The following RPTOR variants were observed in gnomAD, a reference collection of about 807,000 sequenced individuals.
RPTOR encodes the protein regulatory associated protein of MTOR complex 1, also known as regulatory-associated protein of mTOR.
In RPTOR, 21 loss-of-function variants were observed where a neutral mutation model predicts 169.9. The ratio of observed to expected loss-of-function variants is 0.12; its 90% CI spans 0.09 to 0.18. The LOEUF is 0.18. Among genes scored for constraint, RPTOR ranks in the 10% least tolerant of loss-of-function variants. The pLI is 1.00. For synonymous variants in RPTOR, 732 were observed against 753.2 expected, an observed-to-expected ratio of 0.97 and a Z score of 0.46; for missense variants, 1,133 against 1,855.9, an observed-to-expected ratio of 0.61 and a Z score of 7.16.
At chr17:80,864,275 ACGGCAGG>A (rs1567955942) in intron 13 of RPTOR, among the ~76,000 whole-genome samples, 93 of 140,030 alleles carry the variant, frequency 6.6e-4, no homozygotes, top group Middle Eastern at 3.7e-3. Flanking sequence ...GGTGAGAATG[ACGGCAGG>A]TTTCTTCTTA....
At chr17:80,722,755 C>CTCT (rs1193263016) in intron 4 of RPTOR, among the ~76,000 whole-genome samples, 1 of 151,376 alleles carries the variant, frequency 6.6e-6, no homozygotes, top group Non-Finnish European at 1.5e-5. Context: ...CAGTGTCAAC[C>CTCT]TCTTACATGA....
intron 1 of RPTOR, among the ~76,000 whole-genome samples, chr17:80,560,871 A>C (rs2084477381): frequency 6.6e-6 from 1 of 151,926 alleles, no homozygotes; most frequent in South Asian, 2.1e-4. Flanking sequence ...ACTGGCGGTC[A>C]ATAGGTGATC....
rs2067405032 is a variant in RPTOR, at chr17:80,823,478, C to T, written c.1136+255C>T. On this transcript the variant is annotated intron_variant, in intron 9 of 33. Transcript: ENST00000306801. This position sits in a 1 kb window ranked among gnomAD's most constrained non-coding sequence, Gnocchi z 4.5. ...GCAGCGGCCGGCTGAAGCCTCACAG[C>T]TCTGCAACTCGGGAGGGTAGCACTT... 1 of 402,630 alleles carries T rather than the reference C, an allele frequency of 2.5e-6. No homozygotes were observed. Among genetic ancestry groups the T allele is most frequent in the Middle Eastern group, 6.5e-4 (1 of 1,550 alleles). The allele number at this position is 402,630 out of a possible 1,614,324, so 24.9% of individuals were successfully genotyped here.
intron 20 of RPTOR, among the ~76,000 whole-genome samples, chr17:80,906,344 C>T (rs771926346): frequency 7.1e-6 from 1 of 140,842 alleles, no homozygotes; most frequent in Non-Finnish European, 1.6e-5. Context: ...TTTACATTTC[C>T]GAGACTTGCT....
intron 3 of RPTOR, among the ~76,000 whole-genome samples, chr17:80,665,502 C>CCTTTCCTTTCCTTTCCTTTT (rs1567846606): frequency 2.6e-4 from 3 of 11,464 alleles, no homozygotes. Flanking sequence ...CCTTTCCTTT[C>CCTTTCCTTTCCTTTCCTTTT]CATGTCCTTT....
chr17:80,858,661 G>T (rs1273911627), intron 13 of RPTOR, among the ~76,000 whole-genome samples: 1 of 152,170 alleles, frequency 6.6e-6, no homozygotes, highest in Admixed American at 6.5e-5. Context: ...AGTCGTGTGG[G>T]CGAGACCCGG....
rs1598236297 is a variant in RPTOR at position 80,700,736 on chromosome 17, G to GTGACGGTGATGGTAGAGATGA, written c.349-7103_349-7102insACGGTGATGGTAGAGATGATG. On this transcript the variant is annotated intron_variant, in intron 3 of 33. Transcript: ENST00000306801. ...GGTGGTGGTGGTGGTGGTGATGATG[G>GTGACGGTGATGGTAGAGATGA]TGGTGGTGGTGGTGGTGATGATGGT... is the stretch of plus-strand genomic sequence containing the variant. Among the ~76,000 whole-genome samples, 98 of 48,044 alleles carry GTGACGGTGATGGTAGAGATGA rather than the reference G, an allele frequency of 2.0e-3. 6 individuals carry two copies. Among genetic ancestry groups the GTGACGGTGATGGTAGAGATGA allele is most frequent in the Non-Finnish European group, 2.7e-3 (61 of 22,794 alleles). 31.5% of individuals were successfully genotyped at this position (48,044 alleles called of 152,430 possible).
chr17:80,899,056 C>T (rs2068443207), intron 20 of RPTOR, among the ~76,000 whole-genome samples: 1 of 152,144 alleles, frequency 6.6e-6, no homozygotes, highest in Non-Finnish European at 1.5e-5. Context: ...GAAAGGTTCA[C>T]TACACAACAA....
chr17:80,678,614 G>C (rs2065876401), intron 3 of RPTOR, among the ~76,000 whole-genome samples: 1 of 152,214 alleles, frequency 6.6e-6, no homozygotes, highest in South Asian at 2.1e-4. Context: ...GGAAAGCAGT[G>C]GTTATGCCTG....
chr17:80,830,161 C>T (rs1598336362), intron 9 of RPTOR, among the ~76,000 whole-genome samples: 2 of 152,328 alleles, frequency 1.3e-5, no homozygotes, highest in South Asian at 2.1e-4. Context: ...TACACAGATT[C>T]TCCCCGCTGG....
chr17:80,934,567 C>A (rs911461227), intron 24 of RPTOR, among the ~76,000 whole-genome samples: 1 of 152,156 alleles, frequency 6.6e-6, no homozygotes, highest in Non-Finnish European at 1.5e-5. Context: ...CTATGTTGCT[C>A]AGACTGGTCT....
chr17:80,568,406 C>T (rs1034785691), intron 1 of RPTOR, among the ~76,000 whole-genome samples: 2 of 152,202 alleles, frequency 1.3e-5, no homozygotes, highest in Non-Finnish European at 2.9e-5. Context: ...TCTGTTGTCT[C>T]AGGCTTGTCT....
Position 80,844,800 on chromosome 17 carries a change from C to A in RPTOR, c.1213-1673C>A, listed in dbSNP as rs921710139. ...TGGCGTTCGCCTGTCCACATGTGTC[C>A]ACATTCACTGGAACCCGGGGCACAG... On this transcript the variant is annotated intron_variant, in intron 10 of 33. Coordinates refer to ENST00000306801, the MANE Select transcript of RPTOR (RefSeq NM_020761.3). This position sits in a 1 kb window ranked among gnomAD's most constrained non-coding sequence, Gnocchi z 4.7. Among the ~76,000 whole-genome samples the A allele has an allele frequency of 3.9e-5, 6 of 152,154 alleles. No homozygotes were observed. Among genetic ancestry groups the A allele is most frequent in the African/African-American group, 1.4e-4 (6 of 41,444 alleles).
intron 1 of RPTOR, among the ~76,000 whole-genome samples, chr17:80,559,586 C>T (rs536320510): frequency 3.5e-4 from 53 of 152,308 alleles, no homozygotes; most frequent in African/African-American, 1.2e-3. Flanking sequence ...CGTTGGTTGG[C>T]CCTCTGAGCA....
rs1030428287 is a variant in RPTOR at position 80,966,167 on chromosome 17, G to T, written c.*1837G>T. 1 of 167,666 alleles carries T rather than the reference G, an allele frequency of 6.0e-6. No homozygotes were observed. Among genetic ancestry groups the T allele is most frequent in the East Asian group, 9.8e-5 (1 of 10,174 alleles). The allele number at this position is 167,666 out of a possible 1,614,324, so 10.4% of individuals were successfully genotyped here. A position where few individuals can be genotyped will look rare whatever the true frequency, so the allele number is the denominator to read the frequency against. On this transcript the variant is annotated 3_prime_UTR_variant, in exon 34 of 34. Transcript: ENST00000306801. ...TGGAGCCCACCCCCATGGGCACCGC[G>T]TGCCGCCTGCACGTGGGCTGTCTTC...
chr17:80,741,290 G>A (rs2066479795), intron 5 of RPTOR, among the ~76,000 whole-genome samples: 1 of 152,172 alleles, frequency 6.6e-6, no homozygotes, highest in Non-Finnish European at 1.5e-5. Flanking sequence ...GGCCTTCCGA[G>A]TGGAGGGTGG....
intron 4 of RPTOR, among the ~76,000 whole-genome samples, chr17:80,711,212 C>A (rs192804866): frequency 6.2e-4 from 94 of 152,176 alleles, no homozygotes; most frequent in African/African-American, 2.0e-3. Flanking sequence ...GTATATGTGC[C>A]TTCTCTCTTT....
intron 13 of RPTOR, chr17:80,858,256 C>A: frequency 7.0e-6 from 2 of 284,368 alleles, no homozygotes; most frequent in Middle Eastern, 1.2e-3. Context: ...GGAAGCAACC[C>A]CGCCATGGCA....
At chr17:80,929,573 C>T (rs915143802) in intron 24 of RPTOR, among the ~76,000 whole-genome samples, 3 of 152,236 alleles carry the variant, frequency 2.0e-5, no homozygotes, top group Non-Finnish European at 4.4e-5. Context: ...TGGGGATTTC[C>T]GTTTGGCGGC....
Sources: allele counts gnomAD v4.1 joint callset (sites outside exome capture counted in the v4.1 genomes callset), GRCh38; gene constraint gnomAD v4.1.1; non-coding constraint Gnocchi (gnomAD v3.1); transcripts MANE v1.5; gene names NCBI Gene and HGNC (gene_info 2026-07-23, HGNC 2026-07-21).